The following TBC1D1 variants were observed in gnomAD, a reference collection of about 807,000 sequenced individuals.
TBC1D1 encodes the protein TBC1 (tre-2/USP6, BUB2, cdc16) domain family, member 1.
A neutral mutation model predicts 125.6 loss-of-function variants in TBC1D1; 89 were observed. The observed-to-expected ratio is 0.71, with a 90% CI of 0.60 to 0.85. The LOEUF (loss-of-function observed/expected upper bound fraction) is 0.85, where lower values mean the gene tolerates loss of function less well. Ranked by LOEUF, TBC1D1 falls within the 40% of genes least tolerant of loss-of-function variation. TBC1D1 has a pLI of 0.00. For synonymous variants in TBC1D1, 565 were observed against 564.1 expected, an observed-to-expected ratio of 1.00 and a Z score of -0.02; for missense variants, 1,377 against 1,469.2, an observed-to-expected ratio of 0.94 and a Z score of 1.03.
chr4:37,915,048 T>TA (rs2152261467), intron 2 of TBC1D1, among the ~76,000 whole-genome samples: 2 of 152,354 alleles, frequency 1.3e-5, no homozygotes, highest in African/African-American at 4.8e-5. Flanking sequence ...ACCACCTACT[T>TA]ACCTGCCTGA....
At chr4:38,098,579 C>T (rs969709546) in intron 14 of TBC1D1, among the ~76,000 whole-genome samples, 1 of 152,190 alleles carries the variant, frequency 6.6e-6, no homozygotes, top group African/African-American at 2.4e-5. Flanking sequence ...TATGTGTTGC[C>T]TGACTTTGCC....
chr4:38,133,991 A>G (rs1766042781), intron 19 of TBC1D1, among the ~76,000 whole-genome samples: 1 of 152,224 alleles, frequency 6.6e-6, no homozygotes. Flanking sequence ...GGCATGAAGC[A>G]ACCATATGTT....
intron 12 of TBC1D1, among the ~76,000 whole-genome samples, chr4:38,075,038 C>T (rs139198255): frequency 2.2e-4 from 34 of 152,240 alleles, no homozygotes; most frequent in Non-Finnish European, 3.8e-4. Context: ...GGATTACAGG[C>T]GTGAGCCACC....
chr4:38,074,633 T>G (rs556766150), intron 12 of TBC1D1, among the ~76,000 whole-genome samples: 2 of 152,326 alleles, frequency 1.3e-5, no homozygotes, highest in South Asian at 4.1e-4. Context: ...CCTCCCCTGT[T>G]TCTGTCTTGG....
intron 11 of TBC1D1, chr4:38,052,035 CA>C: frequency 6.4e-7 from 1 of 1,551,052 alleles, no homozygotes; most frequent in Non-Finnish European, 8.7e-7. Flanking sequence ...CAGTGGAGAA[CA>C]AAGTGGGAAT....
At chr4:37,962,027 G>T (rs539359808) in intron 2 of TBC1D1, among the ~76,000 whole-genome samples, 3 of 152,202 alleles carry the variant, frequency 2.0e-5, no homozygotes, top group African/African-American at 7.2e-5. Context: ...AAATATTTGA[G>T]AATTTACTTG....
intron 10 of TBC1D1, among the ~76,000 whole-genome samples, chr4:38,049,329 G>A (rs559723285): frequency 1.3e-5 from 2 of 152,250 alleles, no homozygotes; most frequent in African/African-American, 4.8e-5. Flanking sequence ...TAGAGAGAGG[G>A]CACTATTCAT....
intron 7 of TBC1D1, 73 bp downstream of exon 7, chr4:38,027,952 A>G (rs1745379319): frequency 8.4e-7 from 1 of 1,191,450 alleles, no homozygotes. Context: ...TATGTGTAAA[A>G]AATAGCAAAC....
intron 12 of TBC1D1, among the ~76,000 whole-genome samples, chr4:38,079,641 C>A (rs1031394146): frequency 6.6e-6 from 1 of 152,002 alleles, no homozygotes; most frequent in African/African-American, 2.4e-5. Flanking sequence ...GCAAGGGAAT[C>A]ACTTGAACCC....
intron 2 of TBC1D1, among the ~76,000 whole-genome samples, chr4:37,975,041 G>T (rs1162367531): frequency 6.6e-6 from 1 of 152,188 alleles, no homozygotes; most frequent in Non-Finnish European, 1.5e-5. Context: ...TAAAAGAAAA[G>T]ACAGCTGGGC....
intron 2 of TBC1D1, among the ~76,000 whole-genome samples, chr4:37,968,550 T>C (rs1731468744): frequency 6.6e-6 from 1 of 152,250 alleles, no homozygotes; most frequent in Non-Finnish European, 1.5e-5. Flanking sequence ...AGAATGTTCT[T>C]GAGGTACCCA....
intron 2 of TBC1D1, among the ~76,000 whole-genome samples, chr4:37,982,608 A>G (rs1734565004): frequency 6.6e-6 from 1 of 152,154 alleles, no homozygotes; most frequent in Non-Finnish European, 1.5e-5. Context: ...GTGTGCCAGG[A>G]ACTTGGGCGT....
At chr4:37,920,041 A>T (rs1720607748) in intron 2 of TBC1D1, among the ~76,000 whole-genome samples, 1 of 152,194 alleles carries the variant, frequency 6.6e-6, no homozygotes. Context: ...TGAACCGGTG[A>T]GGCGGAGCTT....
At chr4:37,959,164 G>C (rs1729477248) in intron 2 of TBC1D1, among the ~76,000 whole-genome samples, 1 of 152,128 alleles carries the variant, frequency 6.6e-6, no homozygotes, top group Non-Finnish European at 1.5e-5. Context: ...AACAATGTGA[G>C]GGTTAGGGGC....
chr4:37,947,104 G>A (rs568224235), intron 2 of TBC1D1, among the ~76,000 whole-genome samples: 5 of 152,170 alleles, frequency 3.3e-5, no homozygotes, highest in East Asian at 1.9e-4. Context: ...TCCCTTACCC[G>A]CACTCCCCAA....
chr4:38,007,785 T>A (rs1398466950), intron 2 of TBC1D1, among the ~76,000 whole-genome samples: 1 of 152,262 alleles, frequency 6.6e-6, no homozygotes, highest in East Asian at 1.9e-4. Context: ...CCCTTCGTGC[T>A]GTTCACAGTT....
At chr4:37,949,372 A>AT (rs1170624365) in intron 2 of TBC1D1, among the ~76,000 whole-genome samples, 1 of 152,126 alleles carries the variant, frequency 6.6e-6, no homozygotes, top group African/African-American at 2.4e-5. Flanking sequence ...AGGTTGATGT[A>AT]TTTTTTCCAG....
chr4:38,015,721 G>A (rs1456158428), intron 3 of TBC1D1, among the ~76,000 whole-genome samples: 1 of 152,158 alleles, frequency 6.6e-6, no homozygotes, highest in East Asian at 1.9e-4. Flanking sequence ...GCTGACTGAC[G>A]TTCTGTAGAG....
chr4:38,103,701 A>G (rs987055654), intron 15 of TBC1D1, among the ~76,000 whole-genome samples: 4 of 152,320 alleles, frequency 2.6e-5, no homozygotes, highest in Admixed American at 1.3e-4. Context: ...CTCCATATCT[A>G]TGGGTTCTGA....
Sources: gnomAD v4.1 joint callset for allele counts (sites outside exome capture counted in the v4.1 genomes callset) on GRCh38, gnomAD v4.1.1 for gene constraint, MANE v1.5 for transcripts, NCBI Gene and HGNC (gene_info 2026-07-23, HGNC 2026-07-21) for gene names.